The following ZBTB20 variants were observed in gnomAD, a reference collection of about 807,000 sequenced individuals.
ZBTB20 encodes the protein zinc finger and BTB domain containing 20, also known as zinc finger and BTB domain-containing protein 20.
A neutral mutation model predicts 56.9 loss-of-function variants in ZBTB20; 9 were observed. The observed-to-expected ratio is 0.16, with a 90% CI of 0.10 to 0.28. ZBTB20 has a LOEUF of 0.28. ZBTB20 is among the 10% of genes least tolerant of loss of function. The pLI, the probability that ZBTB20 is intolerant of heterozygous loss-of-function variation, is 1.00. For missense variants in ZBTB20, 655 were observed against 1,003.0 expected (o/e 0.65, Z 4.69); for synonymous variants, 417 against 420.7 (o/e 0.99, Z 0.11).
At chr3:114,806,481 C>T (rs977298075) in intron 4 of ZBTB20, among the ~76,000 whole-genome samples, 3 of 151,812 alleles carry the variant, frequency 2.0e-5, no homozygotes, top group East Asian at 3.9e-4. Flanking sequence ...ATATATTATG[C>T]GTAAAAATTC....
chr3:115,073,197 T>A lies in ZBTB20; in HGVS notation c.-702-1783A>T, dbSNP rs181618499. 7.7e-4 allele frequency among the ~76,000 whole-genome samples: 117 copies of A among 152,326 alleles called. 4 individuals are homozygous for A. Among genetic ancestry groups the A allele is most frequent in the Admixed American group, 7.6e-3 (117 of 15,298 alleles). ...ATTTATTTCAGGTTAGAACACAGTT[T>A]AAGAAAAGCATTGCTTCCTCAAAAG... On this transcript the variant is annotated intron_variant, in intron 1 of 11. Transcript: ENST00000675478.
At chr3:114,466,936 A>G (rs1015750061) in intron 7 of ZBTB20, among the ~76,000 whole-genome samples, 13 of 152,220 alleles carry the variant, frequency 8.5e-5, no homozygotes, top group African/African-American at 3.1e-4. Context: ...GAGGAATATC[A>G]TTTGCTATTC....
chr3:114,560,957 G>T (rs1032811627), intron 6 of ZBTB20, among the ~76,000 whole-genome samples: 1 of 152,142 alleles, frequency 6.6e-6, no homozygotes, highest in Non-Finnish European at 1.5e-5. Flanking sequence ...ATTATCAAAT[G>T]AGTTTATAAA....
rs1315994991 is a variant in ZBTB20, at chr3:114,323,170, TAATAAAAATA to T, written c.*15825_*15834del. 1.3e-5 allele frequency: 2 copies of T among 152,194 alleles called. No individual in the cohort carries two copies. The highest frequency in any genetic ancestry group is 2.9e-5 in the Non-Finnish European group (2 of 68,022). 9.4% of individuals were successfully genotyped at this position (152,194 alleles called of 1,614,324 possible). On this transcript the variant is annotated 3_prime_UTR_variant, in exon 12 of 12. Transcript: ENST00000675478. ...TGATTACTTCTAAGATTAAAAAAGA[TAATAAAAATA>T]AATTTAACAAAGAAAAGTTAGGAAA...
chr3:115,035,070 G>A (rs1483648650), intron 2 of ZBTB20, among the ~76,000 whole-genome samples: 1 of 151,954 alleles, frequency 6.6e-6, no homozygotes, highest in Non-Finnish European at 1.5e-5. Context: ...ATTCAAAATA[G>A]ATTCTAAATA....
chr3:114,809,309 T>C (rs1481146977), intron 4 of ZBTB20, among the ~76,000 whole-genome samples: 1 of 152,122 alleles, frequency 6.6e-6, no homozygotes, highest in African/African-American at 2.4e-5. Flanking sequence ...ATTACACATA[T>C]GTTAGTATGC....
At chr3:114,693,876 TATGGTTAATTATCC>T in intron 5 of ZBTB20, among the ~76,000 whole-genome samples, 1 of 152,282 alleles carries the variant, frequency 6.6e-6, no homozygotes, top group South Asian at 2.1e-4. Context: ...GGTTATGTTT[TATGGTTAATTATCC>T]ATGGTCTGTT....
At chr3:114,889,282 C>T (rs1232786516) in intron 4 of ZBTB20, among the ~76,000 whole-genome samples, 2 of 151,706 alleles carry the variant, frequency 1.3e-5, no homozygotes, top group East Asian at 1.9e-4. Context: ...AGAATGAAAA[C>T]GTTAACTTCC....
chr3:114,363,289 A>C (rs1220986506), intron 10 of ZBTB20, among the ~76,000 whole-genome samples: 1 of 152,186 alleles, frequency 6.6e-6, no homozygotes, highest in Non-Finnish European at 1.5e-5. Context: ...TGGGATTTTG[A>C]CTATCTGCCG....
chr3:114,854,598 C>G (rs2075154738), intron 4 of ZBTB20, among the ~76,000 whole-genome samples: 2 of 152,182 alleles, frequency 1.3e-5, no homozygotes, highest in South Asian at 4.1e-4. Flanking sequence ...GTCAGACAGA[C>G]CTGGTTTGAA....
chr3:115,061,557 G>C (rs1193636857), intron 2 of ZBTB20, among the ~76,000 whole-genome samples: 6 of 151,986 alleles, frequency 3.9e-5, no homozygotes, highest in Admixed American at 2.0e-4. Flanking sequence ...GAAAAATATA[G>C]GCAAAATATT....
In ZBTB20 at chr3:114,568,767, C is replaced by T. The variant is rs373808031; in HGVS notation, c.-294-68376G>A. On this transcript the variant is annotated intron_variant, in intron 6 of 11. Coordinates refer to ENST00000675478, the MANE Select transcript of ZBTB20 (RefSeq NM_001348800.3). ...GAATGACCTGAATGCAAGCCTTCTC[C>T]ACTGAGTGAAGAAGTTACAATGATA... Among the ~76,000 whole-genome samples, 20 of 152,310 alleles carry T rather than the reference C, an allele frequency of 1.3e-4. No homozygotes were observed. In the East Asian group the frequency reaches 3.9e-3, roughly 29 times the overall value.
rs571464076 is a variant in ZBTB20 at position 114,812,824 on chromosome 3, G to C, written c.-416-11650C>G. Among the ~76,000 whole-genome samples the C allele has an allele frequency of 2.5e-3, 376 of 152,358 alleles. 2 individuals are homozygous for C. The highest frequency in any genetic ancestry group is 4.6e-3 in the Non-Finnish European group (316 of 68,014). ...GGAGGCTCAGGCATGGCGGGCTGCAGGTCCCGAGCCCTGCCCCGCGGGAAG... is the reference window on the plus strand; with the variant it reads ...GGAGGCTCAGGCATGGCGGGCTGCACGTCCCGAGCCCTGCCCCGCGGGAAG... On this transcript the variant is annotated intron_variant, in intron 4 of 11. Coordinates refer to ENST00000675478, the MANE Select transcript of ZBTB20 (RefSeq NM_001348800.3).
intron 4 of ZBTB20, among the ~76,000 whole-genome samples, chr3:114,861,553 A>T (rs2107491023): frequency 6.6e-6 from 1 of 152,274 alleles, no homozygotes; most frequent in African/African-American, 2.4e-5. Context: ...AAGAATAACT[A>T]TTCCAGGAAG....
intron 6 of ZBTB20, among the ~76,000 whole-genome samples, chr3:114,640,425 C>A (rs958572717): frequency 1.3e-5 from 2 of 152,086 alleles, no homozygotes; most frequent in African/African-American, 4.8e-5. Flanking sequence ...GAACCAAATT[C>A]AAGGGAACTG....
chr3:114,546,990 A>C (rs951693073), intron 6 of ZBTB20, among the ~76,000 whole-genome samples: 14 of 152,196 alleles, frequency 9.2e-5, no homozygotes, highest in African/African-American at 2.9e-4. Context: ...AAAGCAGAGC[A>C]GTAAAGAGTA....
chr3:114,859,952 A>C (rs1165490719), intron 4 of ZBTB20, among the ~76,000 whole-genome samples: 2 of 152,150 alleles, frequency 1.3e-5, no homozygotes, highest in Non-Finnish European at 2.9e-5. Context: ...GGTTCCAAAA[A>C]CAGTACTGGA....
chr3:114,319,804 G>A lies in ZBTB20; in HGVS notation c.*19201C>T, dbSNP rs1418675954. The A allele has an allele frequency of 4.3e-5, 1 of 23,100 alleles. No individual in the cohort carries two copies. Among genetic ancestry groups the A allele is most frequent in the Non-Finnish European group, 8.8e-5 (1 of 11,394 alleles). The allele number at this position is 23,100 out of a possible 1,614,324, so 1.4% of individuals were successfully genotyped here. ...ACATCTTGAAAAACCACTTTCTCAA[G>A]CATATACATATATATATATATATAA... On this transcript the variant is annotated 3_prime_UTR_variant, in exon 12 of 12. Coordinates refer to ENST00000675478, the MANE Select transcript of ZBTB20 (RefSeq NM_001348800.3).
At chr3:115,103,619 A>T (rs2083642794) in intron 1 of ZBTB20, among the ~76,000 whole-genome samples, 1 of 152,256 alleles carries the variant, frequency 6.6e-6, no homozygotes, top group African/African-American at 2.4e-5. Flanking sequence ...TATTTCCAAC[A>T]AGTGGTGACG....
Sources: allele counts gnomAD v4.1 joint callset (sites outside exome capture counted in the v4.1 genomes callset), GRCh38; gene constraint gnomAD v4.1.1; transcripts MANE v1.5; gene names NCBI Gene and HGNC (gene_info 2026-07-23, HGNC 2026-07-21).